Variants in PPFIA2 observed in about 807,000 individuals in gnomAD.
The protein encoded by PPFIA2 is liprin-alpha-2.
PPFIA2 carries 46 observed loss-of-function variants against 175.5 expected under a neutral mutation model. The observed-to-expected ratio is 0.26, with a 90% confidence interval of 0.21 to 0.34. The LOEUF is 0.34. Among genes scored for constraint, PPFIA2 ranks in the 10% least tolerant of loss-of-function variants. PPFIA2 has a pLI of 1.00. For synonymous variants in PPFIA2, 568 were observed against 511.4 expected, an observed-to-expected ratio of 1.11 and a Z score of -1.49; for missense variants, 1,179 against 1,506.1, an observed-to-expected ratio of 0.78 and a Z score of 3.60.
chr12:81,302,734 AT>A (rs1184825057), intron 22 of PPFIA2: 4 of 447,214 alleles, frequency 8.9e-6, no homozygotes, highest in Non-Finnish European at 1.3e-5. Flanking sequence ...AAAGAACAGC[AT>A]TGAAATTTAC....
chr12:81,358,696 T>G (rs11114833), intron 15 of PPFIA2, among the ~76,000 whole-genome samples: 86 of 152,222 alleles, frequency 5.6e-4, no homozygotes, highest in Admixed American at 1.4e-3. Flanking sequence ...TTGGAGAAAT[T>G]TATTCACATT....
At chr12:81,418,345 A>C (rs2045673484) in intron 7 of PPFIA2, among the ~76,000 whole-genome samples, 1 of 151,890 alleles carries the variant, frequency 6.6e-6, no homozygotes, top group Non-Finnish European at 1.5e-5. Flanking sequence ...CTAATTTCTA[A>C]CTACTCAAAG....
chr12:81,379,456 A>T (rs2037151649), intron 9 of PPFIA2, among the ~76,000 whole-genome samples: 1 of 152,166 alleles, frequency 6.6e-6, no homozygotes, highest in Non-Finnish European at 1.5e-5. Context: ...TGAAATTCTG[A>T]AGAACTGTTA....
chr12:81,600,110 T>A (rs2059640314), intron 4 of PPFIA2, among the ~76,000 whole-genome samples: 1 of 151,976 alleles, frequency 6.6e-6, no homozygotes, highest in Non-Finnish European at 1.5e-5. Flanking sequence ...TCAACAGGGT[T>A]GGTAAGAAAT....
chr12:81,475,973 T>A (rs527242695), intron 4 of PPFIA2, among the ~76,000 whole-genome samples: 1 of 152,144 alleles, frequency 6.6e-6, no homozygotes, highest in African/African-American at 2.4e-5. Flanking sequence ...AGGACAGCAA[T>A]GTGGTAACTT....
At chr12:81,544,176 G>A (rs2066637092) in intron 4 of PPFIA2, among the ~76,000 whole-genome samples, 2 of 152,246 alleles carry the variant, frequency 1.3e-5, no homozygotes, top group Middle Eastern at 3.4e-3. Context: ...TATGCTTTCT[G>A]TGCTATCTTC....
At chr12:81,366,388 A>AC (rs1360996395) in intron 14 of PPFIA2, among the ~76,000 whole-genome samples, 4 of 151,598 alleles carry the variant, frequency 2.6e-5, no homozygotes, top group Admixed American at 6.6e-5. Flanking sequence ...CACACTCATT[A>AC]CCCATCCCCT....
chr12:81,471,087 T>A (rs1250349282), intron 4 of PPFIA2: 1 of 151,480 alleles, frequency 6.6e-6, no homozygotes, highest in Admixed American at 6.6e-5. Context: ...AGGATTTCAT[T>A]CTTCATTTTT....
At chr12:81,319,368 A>G (rs954800826) in intron 22 of PPFIA2, among the ~76,000 whole-genome samples, 6 of 151,792 alleles carry the variant, frequency 4.0e-5, no homozygotes, top group African/African-American at 1.4e-4. Context: ...GGGAATTCTT[A>G]TAATTGTCTT....
chr12:81,751,210 T>C (rs1397323300), intron 3 of PPFIA2, among the ~76,000 whole-genome samples: 1 of 152,104 alleles, frequency 6.6e-6, no homozygotes. Context: ...AATAGCAACA[T>C]ACAAATTGAT....
At chr12:81,337,244 C>T (rs529745642) in intron 21 of PPFIA2, among the ~76,000 whole-genome samples, 2 of 152,120 alleles carry the variant, frequency 1.3e-5, no homozygotes, top group Admixed American at 6.6e-5. Context: ...TCCTGTCTTC[C>T]TCATCCATAT....
At chr12:81,636,054 CT>C (rs1301356292) in intron 4 of PPFIA2, among the ~76,000 whole-genome samples, 1 of 152,072 alleles carries the variant, frequency 6.6e-6, no homozygotes, top group East Asian at 1.9e-4. Context: ...GTTTTTTAAT[CT>C]TTTTTTCTGT....
chr12:81,730,126 CA>C (rs2080670132), intron 3 of PPFIA2, among the ~76,000 whole-genome samples: 2 of 151,578 alleles, frequency 1.3e-5, no homozygotes, highest in South Asian at 4.1e-4. Context: ...GTTACAGCAG[CA>C]AAAGGAAAAC....
At chr12:81,588,403 C>T (rs1004767247) in intron 4 of PPFIA2, among the ~76,000 whole-genome samples, 1 of 151,934 alleles carries the variant, frequency 6.6e-6, no homozygotes, top group African/African-American at 2.4e-5. Flanking sequence ...CACCCTACTC[C>T]CAATCTCCTC....
intron 24 of PPFIA2, among the ~76,000 whole-genome samples, chr12:81,291,434 T>G (rs894141556): frequency 4.6e-5 from 7 of 152,000 alleles, no homozygotes; most frequent in Non-Finnish European, 4.4e-5. Context: ...GTCAACATGC[T>G]TATTTTCCTT....
At chr12:81,563,440 A>G (rs920689206) in intron 4 of PPFIA2, among the ~76,000 whole-genome samples, 2 of 152,190 alleles carry the variant, frequency 1.3e-5, no homozygotes, top group African/African-American at 4.8e-5. Flanking sequence ...CAAGTGGAAA[A>G]GCTTGTGGAA....
chr12:81,638,162 T>C (rs1295100125), intron 4 of PPFIA2, among the ~76,000 whole-genome samples: 1 of 152,212 alleles, frequency 6.6e-6, no homozygotes, highest in Non-Finnish European at 1.5e-5. Context: ...TAGTCACTTA[T>C]GTCATTTAAT....
rs1253113956 is a variant in PPFIA2, at chr12:81,347,603, C to T, written c.2162G>A (p.Gly721Glu). The change falls in exon 18 of 33, where the codon GGA becomes GAA. Residue 721 changes from glycine (G) to glutamate (E), a missense_variant. Gly to Glu is a moderately conservative substitution (Grantham distance 98). Transcript: ENST00000549396. The part of the protein sequence containing the change: ...SSLASSSPPS[G>E]HSTPKLTPRS... Reference sequence around the variant, plus strand: ...AGGGGTGAGCTTTGGAGTTGAGTGTCCACTGGGGGGAGATGAACTGGCCAG... The same window carrying T: ...AGGGGTGAGCTTTGGAGTTGAGTGTTCACTGGGGGGAGATGAACTGGCCAG... The T allele has an allele frequency of 1.2e-6, 2 of 1,613,764 alleles. No individual in the cohort carries two copies. The highest frequency in any genetic ancestry group is 1.7e-6 in the Non-Finnish European group (2 of 1,179,774).
intron 4 of PPFIA2, among the ~76,000 whole-genome samples, chr12:81,558,495 G>T (rs1215842281): frequency 6.6e-6 from 1 of 152,148 alleles, no homozygotes. Context: ...ACACTACCTG[G>T]AGAGAACATT....
Sources: allele counts gnomAD v4.1 joint callset (sites outside exome capture counted in the v4.1 genomes callset), GRCh38; gene constraint gnomAD v4.1.1; transcripts MANE v1.5; gene names NCBI Gene and HGNC (gene_info 2026-07-23, HGNC 2026-07-21).